KY: variants seen among roughly 807,000 people sequenced by gnomAD.
KY encodes the protein kyphoscoliosis peptidase.
Under a neutral mutation model 76.1 loss-of-function variants are expected in KY, and 43 were observed. The ratio of observed to expected loss-of-function variants is 0.57; its 90% CI spans 0.44 to 0.73. The LOEUF is 0.73. Among genes scored for constraint, KY ranks in the 30% least tolerant of loss-of-function variants. The probability of loss-of-function intolerance (pLI) is 0.00; values close to 1 mark genes in which losing one functional copy is unlikely to be tolerated. For missense variants in KY, 722 were observed against 828.9 expected, an observed-to-expected ratio of 0.87 and a Z score of 1.58; for synonymous variants, 277 against 326.2, an observed-to-expected ratio of 0.85 and a Z score of 1.63.
intron 2 of KY, among the ~76,000 whole-genome samples, chr3:134,645,217 G>A (rs921975883): frequency 6.6e-6 from 1 of 152,202 alleles, no homozygotes; most frequent in African/African-American, 2.4e-5. Flanking sequence ...CAAGCTATTG[G>A]GGTGGGGTAG....
chr3:134,608,238 G>A, intron 10 of KY: 1 of 1,191,898 alleles, frequency 8.4e-7, no homozygotes, highest in Non-Finnish European at 1.1e-6. Context: ...GAGCCCAGAG[G>A]CTATGTGTAG....
intron 7 of KY, among the ~76,000 whole-genome samples, chr3:134,620,310 C>T (rs542788751): frequency 2.3e-4 from 35 of 152,272 alleles, no homozygotes; most frequent in African/African-American, 8.2e-4. Context: ...AAGTGGAGAA[C>T]CCGCTTTTCC....
intron 2 of KY, 69 bp from the exon 3 acceptor site, chr3:134,643,447 G>A: frequency 7.2e-7 from 1 of 1,384,478 alleles, no homozygotes; most frequent in Non-Finnish European, 1.0e-6. Context: ...GCAAAGAGCT[G>A]TATGTGTTTG....
intron 3 of KY, among the ~76,000 whole-genome samples, chr3:134,638,528 C>T (rs1434659338): frequency 6.6e-6 from 1 of 152,174 alleles, no homozygotes; most frequent in Non-Finnish European, 1.5e-5. Context: ...TCAACAAAAT[C>T]ACATTTCTGA....
Position 134,619,148 on chromosome 3 carries a change from C to A in KY, c.710G>T (p.Arg237Met). ...GCATGGGGACTCCTGTCTCTCGTAC[C>A]TGCACATTCTCTCGAAGAGGCCAGC... ...GYAGLFERMC[R>M]LAGVQCMTVP... The change falls in exon 8 of 11, where the codon AGG becomes ATG. Residue 237 changes from arginine to methionine, a missense_variant and splice_region_variant. Around this residue, in one of 2 missense-constraint regions of KY, gnomAD observed 552 missense variants for 680.9 expected, o/e 0.81. Transcript: ENST00000423778. 2 of 1,612,612 alleles carry A rather than the reference C, an allele frequency of 1.2e-6. No homozygotes were observed. Among genetic ancestry groups the A allele is most frequent in the Non-Finnish European group, 1.7e-6 (2 of 1,178,778 alleles).
At chr3:134,642,740 G>C (rs1965919425) in intron 3 of KY, among the ~76,000 whole-genome samples, 1 of 152,224 alleles carries the variant, frequency 6.6e-6, no homozygotes, top group African/African-American at 2.4e-5. Context: ...CCATGAGCCA[G>C]AGGGAGGGAG....
intron 8 of KY, among the ~76,000 whole-genome samples, chr3:134,614,103 T>C (rs1274172331): frequency 1.3e-5 from 2 of 152,150 alleles, no homozygotes; most frequent in African/African-American, 4.8e-5. Context: ...TGGAACTGTC[T>C]CCAGAACTTT....
At position 134,601,049 on chromosome 3, in the gene KY, T is replaced by G. The variant is rs1958941086; in HGVS notation, c.*2530A>C. 1 of 152,256 alleles carries G rather than the reference T, an allele frequency of 6.6e-6. No homozygotes were observed. The highest frequency in any genetic ancestry group is 2.4e-5 in the African/African-American group (1 of 41,466). The allele number at this position is 152,256 out of a possible 1,614,324, so 9.4% of individuals were successfully genotyped here. Reference sequence around the variant, plus strand: ...GCGCCCGTGCCATTCCGCCGGCGACTGGGACTCGTCGCCCGGGAAACAAAG... The same window carrying G: ...GCGCCCGTGCCATTCCGCCGGCGACGGGGACTCGTCGCCCGGGAAACAAAG... On this transcript the variant is annotated 3_prime_UTR_variant, in exon 11 of 11. Transcript: ENST00000423778.
At chr3:134,609,096 A>T (rs1299600483) in intron 9 of KY, among the ~76,000 whole-genome samples, 1 of 152,154 alleles carries the variant, frequency 6.6e-6, no homozygotes, top group African/African-American at 2.4e-5. Context: ...TCGAGGGGAA[A>T]ACTGACTGCC....
chr3:134,631,572 G>A (rs1326576587), intron 3 of KY, among the ~76,000 whole-genome samples: 2 of 152,076 alleles, frequency 1.3e-5, no homozygotes, highest in East Asian at 3.8e-4. Flanking sequence ...TAAAATATAT[G>A]ACAACTACAA....
At chr3:134,621,934 T>A (rs1463636953) in intron 6 of KY, among the ~76,000 whole-genome samples, 2 of 152,090 alleles carry the variant, frequency 1.3e-5, no homozygotes, top group Non-Finnish European at 2.9e-5. Flanking sequence ...AAAGAAGATA[T>A]ACAAATGGCC....
Position 134,610,100 on chromosome 3 carries a change from C to T in KY, c.899+95G>A, listed in dbSNP as rs568653906. The stretch of plus-strand genomic sequence containing the variant: ...GGGGCCTCCTGGCTCTCCTTCCCCT[C>T]CCGCTTGGTCTTCTCCACCTGCTGC... On this transcript the variant is annotated intron_variant, in intron 9 of 10. Coordinates refer to ENST00000423778, the MANE Select transcript of KY (RefSeq NM_178554.6). 8 of 1,360,590 alleles carry T rather than the reference C, an allele frequency of 5.9e-6. No homozygotes were observed. In the African/African-American group the frequency reaches 1.0e-4, roughly 17 times the overall value. The allele number at this position is 1,360,590 out of a possible 1,614,324, so 84.3% of individuals were successfully genotyped here.
chr3:134,608,392 C>A, intron 10 of KY: 2 of 1,439,986 alleles, frequency 1.4e-6, no homozygotes, highest in Non-Finnish European at 9.2e-7. Flanking sequence ...TCAGACACAT[C>A]CCTTTCTGGG....
intron 8 of KY, among the ~76,000 whole-genome samples, chr3:134,618,155 G>A (rs909787992): frequency 2.6e-5 from 4 of 152,150 alleles, no homozygotes; most frequent in Non-Finnish European, 5.9e-5. Context: ...CTCAGCAGCC[G>A]GGTAGGTGCC....
At chr3:134,609,417 T>C (rs1384982060) in intron 9 of KY, among the ~76,000 whole-genome samples, 1 of 152,134 alleles carries the variant, frequency 6.6e-6, no homozygotes, top group African/African-American at 2.4e-5. Flanking sequence ...AAAGAGGGTA[T>C]CTGTGAGTAC....
rs762108609 is a variant in KY at position 134,608,647 on chromosome 3, A to C, written c.1090+2T>G. The C allele has an allele frequency of 1.9e-6, 3 of 1,613,836 alleles. No individual in the cohort carries two copies. Among genetic ancestry groups the C allele is most frequent in the Non-Finnish European group, 8.5e-7 (1 of 1,179,832 alleles). ...GCACACTGGCACCTGCTCCGGGCTCACCTGTTCTGATCATGGAAGTCTCTG... is the reference window on the plus strand; with the variant it reads ...GCACACTGGCACCTGCTCCGGGCTCCCCTGTTCTGATCATGGAAGTCTCTG... On this transcript the variant is annotated splice_donor_variant, in intron 10 of 10. Coordinates refer to ENST00000423778, the MANE Select transcript of KY (RefSeq NM_178554.6). LOFTEE classifies it high-confidence loss of function.
At chr3:134,645,550 GA>G (rs2108024430) in intron 2 of KY, among the ~76,000 whole-genome samples, 1 of 152,308 alleles carries the variant, frequency 6.6e-6, no homozygotes, top group East Asian at 1.9e-4. Context: ...TCAGAATCTC[GA>G]CATCAGAAAA....
intron 4 of KY, among the ~76,000 whole-genome samples, chr3:134,628,635 TA>T (rs2107896274): frequency 6.6e-6 from 1 of 152,374 alleles, no homozygotes; most frequent in South Asian, 2.1e-4. Flanking sequence ...GATAGAATGA[TA>T]AAGGTTCGAA....
chr3:134,621,897 G>T (rs958372143), intron 6 of KY, among the ~76,000 whole-genome samples: 1 of 152,050 alleles, frequency 6.6e-6, no homozygotes, highest in Non-Finnish European at 1.5e-5. Context: ...TCAAAAAGGG[G>T]CAAAGGACTT....
Sources: gnomAD v4.1 joint callset for allele counts (sites outside exome capture counted in the v4.1 genomes callset) on GRCh38, gnomAD v4.1.1 for gene constraint, gnomAD v4.1.1 regional missense constraint, MANE v1.5 for transcripts, NCBI Gene and HGNC (gene_info 2026-07-23, HGNC 2026-07-21) for gene names.